Variants in PPA2 observed in about 807,000 individuals in gnomAD.
PPA2 encodes inorganic pyrophosphatase 2, mitochondrial.
Under a neutral mutation model 49.5 loss-of-function variants are expected in PPA2, and 48 were observed. That is an observed-to-expected ratio of 0.97 (90% CI 0.77 to 1.23). The LOEUF is 1.23. Ranked by LOEUF, PPA2 falls within the 50% of genes most tolerant of loss-of-function variation. PPA2 has a pLI of 0.00. For missense variants in PPA2, 429 were observed against 410.1 expected, an observed-to-expected ratio of 1.05 and a Z score of -0.40; for synonymous variants, 131 against 139.9, an observed-to-expected ratio of 0.94 and a Z score of 0.45.
chr4:105,385,219 A>AT (rs1733633308), intron 10 of PPA2, among the ~76,000 whole-genome samples: 1 of 151,894 alleles, frequency 6.6e-6, no homozygotes, highest in Non-Finnish European at 1.5e-5. Context: ...CATTTTTGTC[A>AT]TTTTTTCAGA....
At chr4:105,473,419 G>A (rs1192357969) in intron 1 of PPA2, 1 of 375,380 alleles carries the variant, frequency 2.7e-6, no homozygotes, top group African/African-American at 2.2e-5. Context: ...CATCCGCAAA[G>A]TTCCGCCTGC....
At chr4:105,389,249 C>CA in intron 9 of PPA2, among the ~76,000 whole-genome samples, 1 of 151,852 alleles carries the variant, frequency 6.6e-6, no homozygotes, top group Middle Eastern at 3.4e-3. Flanking sequence ...TTTGCCAAAT[C>CA]AAAAAATCAC....
chr4:105,462,849 C>A (rs903835645), intron 1 of PPA2, among the ~76,000 whole-genome samples: 10 of 152,176 alleles, frequency 6.6e-5, no homozygotes, highest in Non-Finnish European at 1.2e-4. Context: ...CTCTCGTCTG[C>A]CACCATATGA....
intron 1 of PPA2, among the ~76,000 whole-genome samples, chr4:105,460,252 G>T (rs1474926646): frequency 1.3e-5 from 2 of 152,080 alleles, no homozygotes; most frequent in African/African-American, 4.8e-5. Context: ...GGCATTACAA[G>T]GCATCAGATA....
intron 7 of PPA2, among the ~76,000 whole-genome samples, chr4:105,412,891 T>C (rs905077710): frequency 6.6e-6 from 1 of 152,206 alleles, no homozygotes; most frequent in Admixed American, 6.5e-5. Flanking sequence ...GGTGGGAGTG[T>C]AAATTAGTTC....
intron 7 of PPA2, chr4:105,405,298 C>T (rs1274244901): frequency 1.4e-6 from 1 of 727,854 alleles, no homozygotes; most frequent in Non-Finnish European, 1.7e-6. Context: ...CATACACATG[C>T]ATACTTATTA....
chr4:105,460,776 T>C (rs1258883373), intron 1 of PPA2, among the ~76,000 whole-genome samples: 1 of 151,544 alleles, frequency 6.6e-6, no homozygotes, highest in Non-Finnish European at 1.5e-5. Context: ...TCTAGGACAC[T>C]GATTTGGTGT....
chr4:105,466,192 T>C (rs957196116), intron 1 of PPA2, among the ~76,000 whole-genome samples: 2 of 152,114 alleles, frequency 1.3e-5, no homozygotes, highest in Non-Finnish European at 1.5e-5. Context: ...CTTTTTTTTA[T>C]AGCAGATGTA....
intron 1 of PPA2, among the ~76,000 whole-genome samples, chr4:105,460,289 A>T (rs1308784289): frequency 6.6e-6 from 1 of 152,230 alleles, no homozygotes; most frequent in Non-Finnish European, 1.5e-5. Context: ...GAGGATTAAA[A>T]GTAGACAAGA....
intron 10 of PPA2, among the ~76,000 whole-genome samples, chr4:105,371,442 G>A (rs1043185550): frequency 6.6e-6 from 1 of 152,140 alleles, no homozygotes; most frequent in Non-Finnish European, 1.5e-5. Flanking sequence ...CCATAAGGAA[G>A]AAGCCATAAA....
chr4:105,381,923 ATTG>A (rs1733504367), intron 10 of PPA2, among the ~76,000 whole-genome samples: 1 of 152,044 alleles, frequency 6.6e-6, no homozygotes, highest in South Asian at 2.1e-4. Context: ...GAACAGAGTA[ATTG>A]TTAAGTTACA....
intron 1 of PPA2, among the ~76,000 whole-genome samples, chr4:105,466,348 C>T (rs1254308930): frequency 1.3e-5 from 2 of 151,270 alleles, no homozygotes; most frequent in African/African-American, 4.9e-5. Flanking sequence ...ATACAAATTC[C>T]AATTCCCTGT....
intron 6 of PPA2, among the ~76,000 whole-genome samples, chr4:105,437,521 G>T (rs1374191211): frequency 6.6e-6 from 1 of 152,148 alleles, no homozygotes; most frequent in Non-Finnish European, 1.5e-5. Context: ...CATGAGAATT[G>T]AAGTTTTTAT....
chr4:105,419,959 T>C (rs1317171763), intron 7 of PPA2, among the ~76,000 whole-genome samples: 2 of 151,914 alleles, frequency 1.3e-5, no homozygotes, highest in Non-Finnish European at 2.9e-5. Flanking sequence ...TTCTTTCTTT[T>C]TTTTTTTCGT....
intron 6 of PPA2, among the ~76,000 whole-genome samples, chr4:105,429,146 C>CT (rs1174860583): frequency 6.6e-6 from 1 of 152,056 alleles, no homozygotes; most frequent in Non-Finnish European, 1.5e-5. Context: ...GAAGCAAAAC[C>CT]TTTAATTTCA....
At chr4:105,399,370 C>T (rs575186691) in intron 7 of PPA2, 1 of 422,334 alleles carries the variant, frequency 2.4e-6, no homozygotes, top group East Asian at 3.8e-5. Flanking sequence ...ACTATTCCTG[C>T]ACTCTACAAA....
chr4:105,412,632 A>G (rs1722815536), intron 7 of PPA2, among the ~76,000 whole-genome samples: 1 of 152,208 alleles, frequency 6.6e-6, no homozygotes, highest in Non-Finnish European at 1.5e-5. Flanking sequence ...ACTTAAATAA[A>G]TTTACAAGAA....
At chr4:105,378,549 T>C (rs1316775295) in intron 10 of PPA2, among the ~76,000 whole-genome samples, 1 of 152,116 alleles carries the variant, frequency 6.6e-6, no homozygotes, top group African/African-American at 2.4e-5. Flanking sequence ...TTCTTTTCAT[T>C]CTCCTAAGAA....
intron 6 of PPA2, among the ~76,000 whole-genome samples, chr4:105,434,230 G>A (rs907974429): frequency 6.6e-6 from 1 of 152,180 alleles, no homozygotes; most frequent in Non-Finnish European, 1.5e-5. Context: ...AGAATAAAAA[G>A]CCTTGAGAAC....
Sources: allele counts gnomAD v4.1 joint callset (sites outside exome capture counted in the v4.1 genomes callset), GRCh38; gene constraint gnomAD v4.1.1; transcripts MANE v1.5; gene names NCBI Gene and HGNC (gene_info 2026-07-23, HGNC 2026-07-21).